The following IRAG2 variants were observed in gnomAD, a reference collection of about 807,000 sequenced individuals.
IRAG2 encodes inositol 1,4,5-triphosphate receptor associated 2.
A neutral mutation model predicts 69.9 loss-of-function variants in IRAG2; 45 were observed. The ratio of observed to expected loss-of-function variants is 0.64; its 90% CI spans 0.51 to 0.83. The LOEUF is 0.83. Ranked by LOEUF, IRAG2 falls within the 40% of genes least tolerant of loss-of-function variation. The pLI is 0.00. For missense variants in IRAG2, 520 were observed against 587.0 expected (o/e 0.89, Z 1.18); for synonymous variants, 193 against 202.4 (o/e 0.95, Z 0.40).
chr12:25,034,429 A>G (rs1944690167), intron 13 of IRAG2, among the ~76,000 whole-genome samples: 1 of 152,244 alleles, frequency 6.6e-6, no homozygotes, highest in African/African-American at 2.4e-5. Context: ...AACAGAAACT[A>G]GCATTTTCTT....
chr12:25,101,145 C>A, intron 15 of IRAG2, 33 bp from the exon 16 acceptor site: 1 of 1,562,662 alleles, frequency 6.4e-7, no homozygotes, highest in Non-Finnish European at 8.7e-7. Flanking sequence ...GTAGTATTTT[C>A]AATGTAAATG....
rs183525226 is a variant in IRAG2, at chr12:25,095,461, T to C, written c.607-1449T>C. On this transcript the variant is annotated intron_variant, in intron 14 of 21. Transcript: ENST00000556887. ...TATATTATATTGATTGGTTTTCATA[T>C]GTTAAACCACCCTAACATTATAGAA... 5.6e-3 allele frequency among the ~76,000 whole-genome samples: 855 copies of C among 152,294 alleles called. 8 individuals are homozygous for C. The highest frequency in any genetic ancestry group is 0.041 in the Middle Eastern group (12 of 294).
chr12:25,039,209 G>A (rs1447363887), intron 16 of IRAG2, among the ~76,000 whole-genome samples: 2 of 152,200 alleles, frequency 1.3e-5, no homozygotes, highest in African/African-American at 4.8e-5. Context: ...ATTAGAGACT[G>A]AGGTAAGCTT....
intron 14 of IRAG2, 47 bp from the exon 15 acceptor site, chr12:25,096,863 C>T: frequency 6.5e-7 from 1 of 1,530,670 alleles, no homozygotes. Flanking sequence ...GAATCACTCG[C>T]TGAATGCTTG....
At chr12:25,061,806 T>C (rs2139971458) in intron 2 of IRAG2, among the ~76,000 whole-genome samples, 153 bp downstream of exon 2, 1 of 152,346 alleles carries the variant, frequency 6.6e-6, no homozygotes, top group Middle Eastern at 3.4e-3. Flanking sequence ...TGTTCTCTTC[T>C]GCACTTAAAG....
intron 14 of IRAG2, chr12:25,093,841 G>A (rs1262705678): frequency 6.5e-6 from 1 of 153,456 alleles, no homozygotes; most frequent in Non-Finnish European, 1.5e-5. Flanking sequence ...TTCATAAAAT[G>A]TTCTTTGAAT....
chr12:25,039,592 A>G (rs943467992), intron 16 of IRAG2, among the ~76,000 whole-genome samples: 12 of 152,016 alleles, frequency 7.9e-5, no homozygotes, highest in African/African-American at 1.2e-4. Context: ...CACCACGCCC[A>G]GCTAATTTTT....
intron 2 of IRAG2, among the ~76,000 whole-genome samples, chr12:25,008,964 G>A (rs1944453238): frequency 6.6e-6 from 1 of 152,142 alleles, no homozygotes; most frequent in Non-Finnish European, 1.5e-5. Context: ...GATGTAACAT[G>A]TTTAACCAAT....
chr12:25,101,570 A>G (rs1425651574), intron 16 of IRAG2, among the ~76,000 whole-genome samples: 2 of 152,236 alleles, frequency 1.3e-5, no homozygotes. Flanking sequence ...GAGATGACAG[A>G]ATATATTTAA....
At chr12:25,060,835 A>AT (rs5797116) in intron 1 of IRAG2, among the ~76,000 whole-genome samples, 3,413 of 144,502 alleles carry the variant, frequency 0.024, 67 homozygotes, top group Non-Finnish European at 0.034. Context: ...TAATTTTTGT[A>AT]TTTTTTTTTT....
intron 2 of IRAG2, among the ~76,000 whole-genome samples, chr12:25,009,997 CAGAG>C (rs1385169306): frequency 6.6e-6 from 1 of 152,146 alleles, no homozygotes; most frequent in Non-Finnish European, 1.5e-5. Flanking sequence ...AAAATACCCT[CAGAG>C]AGAGACCCAA....
intron 5 of IRAG2, among the ~76,000 whole-genome samples, chr12:25,016,134 T>C (rs1382732410): frequency 3.3e-5 from 5 of 150,956 alleles, no homozygotes; most frequent in Admixed American, 6.6e-5. Flanking sequence ...AGGTGGAGAT[T>C]GCAGTGAGCT....
chr12:25,096,530 T>C lies in IRAG2; in HGVS notation c.607-380T>C, dbSNP rs75100325. Among the ~76,000 whole-genome samples the C allele has an allele frequency of 9.8e-3, 1,491 of 152,310 alleles. 29 individuals carry two copies. Among genetic ancestry groups the C allele is most frequent in the African/African-American group, 0.034 (1,412 of 41,572 alleles). On this transcript the variant is annotated intron_variant, in intron 14 of 21. Transcript: ENST00000556887. Reference sequence around the variant, plus strand: ...CATTTTTAATTCCAATATGTTTGGTTACGTTTCTTAAAATTCCAACCTATG... The same window carrying C: ...CATTTTTAATTCCAATATGTTTGGTCACGTTTCTTAAAATTCCAACCTATG...
At chr12:25,068,116 C>T (rs1946106492) in intron 5 of IRAG2, among the ~76,000 whole-genome samples, 1 of 152,134 alleles carries the variant, frequency 6.6e-6, no homozygotes, top group African/African-American at 2.4e-5. Flanking sequence ...GCTGGGATTA[C>T]AGGTGTGAGC....
At chr12:25,002,765 C>T (rs1029418201), upstream of IRAG2, among the ~76,000 whole-genome samples, 1 of 152,082 alleles carries the variant, frequency 6.6e-6, no homozygotes, top group African/African-American at 2.4e-5. Flanking sequence ...CCTCAGCCTC[C>T]CAAGTAGCTG....
chr12:25,009,898 AG>A (rs750980788), intron 2 of IRAG2, among the ~76,000 whole-genome samples: 4 of 152,218 alleles, frequency 2.6e-5, no homozygotes, highest in Non-Finnish European at 5.9e-5. Flanking sequence ...TGTTCTATTC[AG>A]GCCTTCAACT....
At chr12:25,038,877 G>C (rs1379973353) in intron 16 of IRAG2, among the ~76,000 whole-genome samples, 1 of 152,090 alleles carries the variant, frequency 6.6e-6, no homozygotes, top group African/African-American at 2.4e-5. Flanking sequence ...CTCCCCACTG[G>C]GTTTTATGTT....
At chr12:25,035,258 C>T (rs1944694193) in intron 13 of IRAG2, among the ~76,000 whole-genome samples, 1 of 152,140 alleles carries the variant, frequency 6.6e-6, no homozygotes, top group East Asian at 1.9e-4. Context: ...TGTGAAACAT[C>T]ATATGGTCTT....
At chr12:25,103,959 T>C (rs900941577) in intron 18 of IRAG2, 50 bp from the exon 19 acceptor site, 1 of 1,602,844 alleles carries the variant, frequency 6.2e-7, no homozygotes, top group East Asian at 2.2e-5. Flanking sequence ...TGACAGAAAA[T>C]ATAAACGTAT....
Sources: gnomAD v4.1 joint callset for allele counts (sites outside exome capture counted in the v4.1 genomes callset) on GRCh38, gnomAD v4.1.1 for gene constraint, MANE v1.5 for transcripts, NCBI Gene and HGNC (gene_info 2026-07-23, HGNC 2026-07-21) for gene names.